Variants in ZMIZ1 observed in about 807,000 individuals in gnomAD.
ZMIZ1 encodes the protein zinc finger MIZ domain-containing protein 1.
A neutral mutation model predicts 113.9 loss-of-function variants in ZMIZ1; 17 were observed. The ratio of observed to expected loss-of-function variants is 0.15; its 90% CI spans 0.10 to 0.22. The LOEUF (loss-of-function observed/expected upper bound fraction) is 0.22. ZMIZ1 is among the 10% of genes least tolerant of loss of function. ZMIZ1 has a pLI of 1.00. For missense variants in ZMIZ1, 1,059 were observed against 1,477.8 expected, an observed-to-expected ratio of 0.72 and a Z score of 4.65; for synonymous variants, 607 against 603.1, an observed-to-expected ratio of 1.01 and a Z score of -0.09.
Position 79,305,161 on chromosome 10 carries a change from C to T in ZMIZ1, c.2287-3C>T. The T allele has an allele frequency of 6.2e-7, 1 of 1,614,118 alleles. No individual in the cohort carries two copies. Among genetic ancestry groups the T allele is most frequent in the Non-Finnish European group, 8.5e-7 (1 of 1,180,010 alleles). ...TCACCTGTGTCTGTCTGTCTGTCTGCAGTGCTTTGATCTGGAGTCATACCT... is the reference window on the plus strand; with the variant it reads ...TCACCTGTGTCTGTCTGTCTGTCTGTAGTGCTTTGATCTGGAGTCATACCT... On this transcript the variant is annotated splice_region_variant and splice_polypyrimidine_tract_variant and intron_variant, in intron 19 of 24. Coordinates refer to ENST00000334512, the MANE Select transcript of ZMIZ1 (RefSeq NM_020338.4).
chr10:79,209,336 T>A (rs930892978), intron 6 of ZMIZ1, among the ~76,000 whole-genome samples: 4 of 152,158 alleles, frequency 2.6e-5, no homozygotes, highest in African/African-American at 9.7e-5. Context: ...GTCCAGAGTT[T>A]GTGGTATGAT....
chr10:79,200,615 G>GCT lies in ZMIZ1; in HGVS notation c.-49-967_-49-966dup, dbSNP rs558356634. Among the ~76,000 whole-genome samples the GCT allele has an allele frequency of 4.6e-5, 7 of 152,286 alleles. No homozygotes were observed. The East Asian group carries it at 1.2e-3, about 25-fold the overall frequency. ...TCAGGAACCCTGGCTCCTGGTGTGG[G>GCT]CTCAGACACCACTTGATGTGCCACC... On this transcript the variant is annotated intron_variant, in intron 4 of 24. Transcript: ENST00000334512.
intron 3 of ZMIZ1, among the ~76,000 whole-genome samples, chr10:79,157,838 G>C (rs1845964002): frequency 6.6e-6 from 1 of 152,166 alleles, no homozygotes; most frequent in South Asian, 2.1e-4. Flanking sequence ...CCTGTCCCTG[G>C]GGTCATGTAA....
chr10:79,305,053 C>A, intron 19 of ZMIZ1, 111 bp from the exon 20 acceptor site: 1 of 1,279,222 alleles, frequency 7.8e-7, no homozygotes. Context: ...GGGGTTTCTC[C>A]CACAGCCTAT....
At chr10:79,261,868 A>G (rs1438426940) in intron 7 of ZMIZ1, among the ~76,000 whole-genome samples, 2 of 152,236 alleles carry the variant, frequency 1.3e-5, no homozygotes, top group Non-Finnish European at 2.9e-5. Flanking sequence ...ACCAAGGTGC[A>G]CACGCCTGCC....
intron 4 of ZMIZ1, among the ~76,000 whole-genome samples, chr10:79,198,880 A>G (rs1006969014): frequency 1.3e-5 from 2 of 152,148 alleles, no homozygotes; most frequent in African/African-American, 4.8e-5. Flanking sequence ...TTAAAAATAT[A>G]AAAATTAGCC....
chr10:79,290,966 G>A lies in ZMIZ1; in HGVS notation c.548G>A (p.Gly183Glu). Residue 183 changes from glycine (G) to glutamate (E), a missense_variant, in exon 10 of 25, where the codon GGG becomes GAG. This residue lies in a region of ZMIZ1 where 272 missense variants were observed against 350.4 expected (regional missense o/e 0.78). Coordinates refer to ENST00000334512, the MANE Select transcript of ZMIZ1 (RefSeq NM_020338.4). ...CCACTTCTCTGCCCACAGGTCCTTG[G>A]GAACCCTATGGCCAATGCCAACAAC... ...VTNTSQSQVL[G>E]NPMANANNPM... is the part of the protein sequence containing the mutation. The A allele has an allele frequency of 6.2e-7, 1 of 1,613,434 alleles. No homozygotes were observed. The highest frequency in any genetic ancestry group is 1.3e-5 in the African/African-American group (1 of 75,036).
chr10:79,221,906 G>C (rs1848988752), intron 7 of ZMIZ1, among the ~76,000 whole-genome samples: 1 of 152,258 alleles, frequency 6.6e-6, no homozygotes, highest in Non-Finnish European at 1.5e-5. Context: ...GTCTTCCTGA[G>C]GCTGGCCTCA....
At chr10:79,264,200 C>T (rs1419143249) in intron 7 of ZMIZ1, among the ~76,000 whole-genome samples, 1 of 152,178 alleles carries the variant, frequency 6.6e-6, no homozygotes, top group Non-Finnish European at 1.5e-5. Context: ...CCAGGCCAGC[C>T]TGGGGACTGC....
At chr10:79,240,036 C>T (rs962260559) in intron 7 of ZMIZ1, among the ~76,000 whole-genome samples, 1 of 152,180 alleles carries the variant, frequency 6.6e-6, no homozygotes, top group Non-Finnish European at 1.5e-5. Context: ...CGTGATTTAT[C>T]GGCGGCTCCT....
At chr10:79,076,032 G>T (rs1842463527) in intron 1 of ZMIZ1, among the ~76,000 whole-genome samples, 1 of 152,162 alleles carries the variant, frequency 6.6e-6, no homozygotes, top group African/African-American at 2.4e-5. Flanking sequence ...GAAAGATCTG[G>T]AAAGCCCCTT....
In ZMIZ1 at chr10:79,313,251, TTGG is replaced by T. The variant is rs951191377; in HGVS notation, c.*506_*508del. Reference sequence around the variant, plus strand: ...CCGAGCCTTGGAGGAGCACTGGCAGTTGGTGGCAGTGAGACCAGCCCACCCACC... The same window carrying T: ...CCGAGCCTTGGAGGAGCACTGGCAGTTGGCAGTGAGACCAGCCCACCCACC... On this transcript the variant is annotated 3_prime_UTR_variant, in exon 25 of 25. Coordinates refer to ENST00000334512, the MANE Select transcript of ZMIZ1 (RefSeq NM_020338.4). 7 of 153,536 alleles carry T rather than the reference TTGG, an allele frequency of 4.6e-5. No individual in the cohort carries two copies. Among genetic ancestry groups the T allele is most frequent in the Non-Finnish European group, 2.8e-5 (2 of 70,180 alleles). The allele number at this position is 153,536 out of a possible 1,614,324, so 9.5% of individuals were successfully genotyped here.
intron 24 of ZMIZ1, among the ~76,000 whole-genome samples, chr10:79,311,392 T>TC (rs1450733103): frequency 6.6e-6 from 1 of 151,878 alleles, no homozygotes; most frequent in Non-Finnish European, 1.5e-5. Context: ...CTGGCTCCTG[T>TC]CCCCCCAGTC....
chr10:79,131,036 C>A (rs1194369392), intron 2 of ZMIZ1, among the ~76,000 whole-genome samples: 2 of 152,240 alleles, frequency 1.3e-5, no homozygotes, highest in African/African-American at 4.8e-5. Flanking sequence ...CCTGCCCTAG[C>A]CTTGCATTCT....
At position 79,312,532 on chromosome 10, in the gene ZMIZ1, G is replaced by T; in HGVS notation, c.3097-110G>T. 6 of 1,159,712 alleles carry T rather than the reference G, an allele frequency of 5.2e-6. No individual in the cohort carries two copies. In the South Asian group the frequency reaches 6.5e-5, roughly 13 times the overall value. 71.8% of individuals were successfully genotyped at this position (1,159,712 alleles called of 1,614,324 possible). A position where few individuals can be genotyped will look rare whatever the true frequency, so the allele number is the denominator to read the frequency against. On this transcript the variant is annotated intron_variant, in intron 24 of 24. Transcript: ENST00000334512. ...TTCTCTACCCCTTTTTTTGGCTAGG[G>T]TCCTGAGAGGCAGGTGGAGGGGGAC...
At chr10:79,155,551 T>C (rs568768872) in intron 3 of ZMIZ1, among the ~76,000 whole-genome samples, 2 of 152,336 alleles carry the variant, frequency 1.3e-5, no homozygotes, top group African/African-American at 4.8e-5. Flanking sequence ...AAGCCACGCA[T>C]GTGCACCACC....
chr10:79,197,301 G>A (rs182217872), intron 4 of ZMIZ1, among the ~76,000 whole-genome samples: 8 of 152,326 alleles, frequency 5.3e-5, no homozygotes, highest in Admixed American at 3.9e-4. Flanking sequence ...ACTGCCGCAT[G>A]GGTATCACAT....
chr10:79,310,179 A>C (rs867788841), intron 23 of ZMIZ1, among the ~76,000 whole-genome samples: 2 of 152,134 alleles, frequency 1.3e-5, no homozygotes, highest in African/African-American at 4.8e-5. Context: ...GGAGTCCCAG[A>C]GGTGCCTGCC....
At chr10:79,112,368 G>C (rs1457730298) in intron 1 of ZMIZ1, among the ~76,000 whole-genome samples, 1 of 152,226 alleles carries the variant, frequency 6.6e-6, no homozygotes, top group African/African-American at 2.4e-5. Context: ...TCAGGTGGGA[G>C]CATGGGTGTG....
Sources: gnomAD v4.1 joint callset for allele counts (sites outside exome capture counted in the v4.1 genomes callset) on GRCh38, gnomAD v4.1.1 for gene constraint, gnomAD v4.1.1 regional missense constraint, MANE v1.5 for transcripts, NCBI Gene and HGNC (gene_info 2026-07-23, HGNC 2026-07-21) for gene names.